COG3: variants seen among roughly 807,000 people sequenced by gnomAD.
The protein encoded by COG3 is component of oligomeric golgi complex 3.
COG3 carries 32 observed loss-of-function variants against 114.1 expected under a neutral mutation model. That is an observed-to-expected ratio of 0.28 (90% CI 0.21 to 0.38). The LOEUF (loss-of-function observed/expected upper bound fraction) is 0.38. COG3 is among the 10% of genes least tolerant of loss of function. The probability of loss-of-function intolerance (pLI) is 1.00; values close to 1 mark genes in which losing one functional copy is unlikely to be tolerated. For missense variants in COG3, 813 were observed against 973.2 expected (o/e 0.84, Z 2.19); for synonymous variants, 352 against 365.7 (o/e 0.96, Z 0.43).
At chr13:45,511,678 T>G (rs1870881690) in intron 15 of COG3, 87 bp from the exon 16 acceptor site, 1 of 939,568 alleles carries the variant, frequency 1.1e-6, no homozygotes. Context: ...CAAGCAGGCA[T>G]TGTTATTTGC....
chr13:45,468,437 C>T (rs1885278222), intron 1 of COG3, among the ~76,000 whole-genome samples: 1 of 152,138 alleles, frequency 6.6e-6, no homozygotes, highest in African/African-American at 2.4e-5. Context: ...AGGTGTCATT[C>T]AGACCAAAGG....
intron 7 of COG3, among the ~76,000 whole-genome samples, chr13:45,484,573 C>T (rs1886448865): frequency 8.3e-6 from 1 of 119,932 alleles, no homozygotes; most frequent in Non-Finnish European, 1.6e-5. Context: ...TCTCCCTAAG[C>T]TTGCTTATTT....
At chr13:45,482,807 C>G (rs1886332096) in intron 6 of COG3, among the ~76,000 whole-genome samples, 1 of 152,090 alleles carries the variant, frequency 6.6e-6, no homozygotes, top group Non-Finnish European at 1.5e-5. Context: ...TCTTGACATG[C>G]CCGGTATTTC....
At chr13:45,479,106 T>C (rs1426702293) in intron 3 of COG3, 40 bp downstream of exon 3, 1 of 1,379,522 alleles carries the variant, frequency 7.2e-7, no homozygotes, top group Non-Finnish European at 1.0e-6. Context: ...TCTTAATTTT[T>C]AGATCACAGT....
intron 14 of COG3, among the ~76,000 whole-genome samples, chr13:45,508,386 T>TATA (rs56349646): frequency 0.03 from 3,251 of 109,448 alleles, 53 homozygotes; most frequent in Middle Eastern, 0.059. Context: ...ATATATATTT[T>TATA]TATATATATA....
At chr13:45,510,060 G>C (rs1593729464) in intron 15 of COG3, among the ~76,000 whole-genome samples, 2 of 152,158 alleles carry the variant, frequency 1.3e-5, no homozygotes, top group East Asian at 3.8e-4. Flanking sequence ...AATTTTGCAT[G>C]ACTGTTTTAT....
Position 45,503,360 on chromosome 13 carries a change from A to G in COG3, c.1594+11A>G. On this transcript the variant is annotated intron_variant, in intron 14 of 22. Transcript: ENST00000349995. ...GTCTGACAAAATCTGGTATGTTATG[A>G]TGTCTTAACTGCCAGCATTTATTCA... is the stretch of plus-strand genomic sequence containing the variant. 1.3e-5 allele frequency: 17 copies of G among 1,296,092 alleles called. No homozygotes were observed. Among genetic ancestry groups the G allele is most frequent in the Non-Finnish European group, 1.9e-5 (17 of 890,776 alleles). The allele number at this position is 1,296,092 out of a possible 1,614,324, so 80.3% of individuals were successfully genotyped here.
At chr13:45,531,126 A>C (rs577980245) in intron 22 of COG3, 1 of 961,344 alleles carries the variant, frequency 1.0e-6, no homozygotes. Context: ...TACATTTTTT[A>C]AAAAAATTTT....
chr13:45,479,955 G>A (rs529982563), intron 3 of COG3, among the ~76,000 whole-genome samples, 170 bp from the exon 4 acceptor site: 15 of 152,260 alleles, frequency 9.9e-5, no homozygotes, highest in South Asian at 2.1e-4. Flanking sequence ...GTATTGAAAC[G>A]GTTTATGACA....
intron 1 of COG3, among the ~76,000 whole-genome samples, chr13:45,475,430 C>T: frequency 6.6e-6 from 1 of 151,830 alleles, no homozygotes; most frequent in East Asian, 2.0e-4. Context: ...TCTCAAATTC[C>T]TGGGCTCAAG....
rs770071889 is a variant in COG3 at position 45,486,503 on chromosome 13, A to G, written c.852A>G (p.Ser284=). 1 of 1,601,796 alleles carries G rather than the reference A, an allele frequency of 6.2e-7. No individual in the cohort carries two copies. The highest frequency in any genetic ancestry group is 2.2e-5 in the East Asian group (1 of 44,826). The change falls in exon 8 of 23, where the codon TCA becomes TCG. Residue 284 remains serine, a synonymous_variant. Coordinates refer to ENST00000349995, the MANE Select transcript of COG3 (RefSeq NM_031431.4). ...CCCCCATGTTTCTTTAGGATCCTTCATCTGTACCTAATGCAGACAATGCCT... is the reference window on the plus strand; with the variant it reads ...CCCCCATGTTTCTTTAGGATCCTTCGTCTGTACCTAATGCAGACAATGCCT... ...LTSQLLKRDP[S]SVPNADNAFT... is the part of the protein sequence containing the mutation.
chr13:45,496,767 G>A (rs1437597647), intron 13 of COG3, among the ~76,000 whole-genome samples: 2 of 151,270 alleles, frequency 1.3e-5, no homozygotes, highest in African/African-American at 2.4e-5. Context: ...TCTGCCTCAC[G>A]GGTTCGCGCC....
At chr13:45,525,085 T>C (rs773977122) in intron 20 of COG3, 34 bp downstream of exon 20, 7 of 1,578,534 alleles carry the variant, frequency 4.4e-6, no homozygotes, top group Non-Finnish European at 6.1e-6. Context: ...ATTTCTTTTT[T>C]AGGATGTTAT....
intron 21 of COG3, among the ~76,000 whole-genome samples, chr13:45,530,473 GTT>G (rs924526991): frequency 1.3e-5 from 2 of 152,314 alleles, no homozygotes; most frequent in African/African-American, 4.8e-5. Flanking sequence ...GCTCGCTAGA[GTT>G]TAGTCTTCCT....
intron 14 of COG3, among the ~76,000 whole-genome samples, chr13:45,505,018 C>T (rs546159311): frequency 6.6e-6 from 1 of 151,962 alleles, no homozygotes; most frequent in South Asian, 2.1e-4. Context: ...GAAACCCCGT[C>T]TCTACTAAAA....
Sources: gnomAD v4.1 joint callset for allele counts (sites outside exome capture counted in the v4.1 genomes callset) on GRCh38, gnomAD v4.1.1 for gene constraint, MANE v1.5 for transcripts, NCBI Gene and HGNC (gene_info 2026-07-23, HGNC 2026-07-21) for gene names.